SNU13: variants seen among roughly 807,000 people sequenced by gnomAD.
SNU13 encodes small nuclear ribonucleoprotein 13.
Under a neutral mutation model 12.4 loss-of-function variants are expected in SNU13, and 2 were observed. The observed-to-expected ratio is 0.16, with a 90% CI of 0.07 to 0.51. The LOEUF (loss-of-function observed/expected upper bound fraction) is 0.51, where lower values mean the gene tolerates loss of function less well. Among genes scored for constraint, SNU13 ranks in the 20% least tolerant of loss-of-function variants. SNU13 has a pLI of 0.96. For synonymous variants in SNU13, 68 were observed against 66.5 expected (o/e 1.02, Z -0.11); for missense variants, 66 against 157.8 (o/e 0.42, Z 3.12).
chr22:41,682,470 AG>A, intron 1 of SNU13: 5 of 1,596,098 alleles, frequency 3.1e-6, no homozygotes, highest in Non-Finnish European at 4.3e-6. Context: ...CCCCAAGAGC[AG>A]GAAGTGACGC....
intron 1 of SNU13, chr22:41,682,335 T>G (rs770656441): frequency 4.4e-6 from 7 of 1,609,132 alleles, no homozygotes; most frequent in Non-Finnish European, 8.5e-7. Context: ...CCGGAGATAA[T>G]GGCCCAGTAG....
Position 41,688,813 on chromosome 22 carries a change from G to A in SNU13, c.-17C>T, listed in dbSNP as rs1369831210. ...ACTCACCATGGCTGCGGTTCCGCGG[G>A]CTCAGCACTCCTAGGGGAGCGCAGC... On this transcript the variant is annotated 5_prime_UTR_variant, in exon 1 of 3. Coordinates refer to ENST00000401959, the MANE Select transcript of SNU13 (RefSeq NM_001003796.2). 1 of 1,599,878 alleles carries A rather than the reference G, an allele frequency of 6.3e-7. No homozygotes were observed. The highest frequency in any genetic ancestry group is 8.5e-7 in the Non-Finnish European group (1 of 1,170,304).
chr22:41,678,305 A>C (rs75514578), intron 2 of SNU13, among the ~76,000 whole-genome samples: 1 of 152,068 alleles, frequency 6.6e-6, no homozygotes, highest in Non-Finnish European at 1.5e-5. Context: ...CCAGGCATAA[A>C]ACCTATGTCT....
chr22:41,689,071 T>C, upstream of SNU13: 1 of 1,191,672 alleles, frequency 8.4e-7, no homozygotes. Flanking sequence ...ATTCAAAAAG[T>C]AACCCACCGG....
intron 1 of SNU13, chr22:41,682,273 T>C: frequency 6.9e-7 from 1 of 1,449,376 alleles, no homozygotes. Flanking sequence ...TTTTACAGCT[T>C]TTCTGACACA....
intron 2 of SNU13, among the ~76,000 whole-genome samples, chr22:41,677,423 G>A (rs537114384): frequency 3.9e-5 from 6 of 152,230 alleles, no homozygotes; most frequent in African/African-American, 4.8e-5. Context: ...TACCTGGGAC[G>A]CTGAGGTGGG....
intron 1 of SNU13, among the ~76,000 whole-genome samples, chr22:41,683,052 T>C (rs1601574283): frequency 6.6e-6 from 1 of 152,138 alleles, no homozygotes; most frequent in South Asian, 2.1e-4. Context: ...CAGGCTGGAG[T>C]GTAGTGGTGG....
At position 41,680,368 on chromosome 22, in the gene SNU13, TG is replaced by T. The variant is rs57548153; in HGVS notation, c.4-5del. 2.7e-4 allele frequency: 439 copies of T among 1,602,394 alleles called. No individual in the cohort carries two copies. Among genetic ancestry groups the T allele is most frequent in the Non-Finnish European group, 3.4e-4 (402 of 1,174,486 alleles). On this transcript the variant is annotated splice_polypyrimidine_tract_variant and splice_region_variant and intron_variant, in intron 1 of 2. Transcript: ENST00000401959. Reference sequence around the variant, plus strand: ...TTGGATTCACATCAGCCTCAGTCTATGGGGGGGACATAAAAATATCAGACAA... The same window carrying T: ...TTGGATTCACATCAGCCTCAGTCTATGGGGGGACATAAAAATATCAGACAA...
chr22:41,684,303 C>T (rs1242076682), intron 1 of SNU13, among the ~76,000 whole-genome samples: 1 of 152,210 alleles, frequency 6.6e-6, no homozygotes, highest in Non-Finnish European at 1.5e-5. Flanking sequence ...GTATGCTCTA[C>T]TTTCTATTTC....
intron 1 of SNU13, chr22:41,681,583 A>G (rs1311350391): frequency 6.6e-6 from 1 of 152,264 alleles, no homozygotes; most frequent in Non-Finnish European, 1.5e-5. Flanking sequence ...AGGGAATGGT[A>G]CAGTTAAATA....
chr22:41,687,904 CAAGT>C (rs2147143106), intron 1 of SNU13: 1 of 152,332 alleles, frequency 6.6e-6, no homozygotes, highest in Non-Finnish European at 1.5e-5. Flanking sequence ...TTGGAAGCTT[CAAGT>C]TCTAGGCTCA....
At chr22:41,680,172 A>T in intron 2 of SNU13, 72 bp downstream of exon 2, 1 of 1,494,370 alleles carries the variant, frequency 6.7e-7, no homozygotes, top group Non-Finnish European at 9.0e-7. Flanking sequence ...CCAAACTGGA[A>T]ATCAGATCAG....
In SNU13 at chr22:41,674,385, CA is replaced by C. The variant is rs1035037279; in HGVS notation, c.*547del. 1.9e-5 allele frequency: 3 copies of C among 154,664 alleles called. No homozygotes were observed. Among genetic ancestry groups the C allele is most frequent in the Non-Finnish European group, 4.3e-5 (3 of 69,566 alleles). 9.6% of individuals were successfully genotyped at this position (154,664 alleles called of 1,614,324 possible). The stretch of plus-strand genomic sequence containing the variant: ...ACATCACATTACCAAAAGCAAACAG[CA>C]GGGGTACATTAGTAAACGACACTTG... On this transcript the variant is annotated 3_prime_UTR_variant, in exon 3 of 3. Transcript: ENST00000401959.
intron 1 of SNU13, among the ~76,000 whole-genome samples, chr22:41,687,207 T>A (rs1302521787): frequency 6.6e-6 from 1 of 152,118 alleles, no homozygotes; most frequent in African/African-American, 2.4e-5. Flanking sequence ...TCCACCCGCC[T>A]CAGCCTCCCA....
At chr22:41,677,640 A>C (rs772572545) in intron 2 of SNU13, among the ~76,000 whole-genome samples, 1 of 152,006 alleles carries the variant, frequency 6.6e-6, no homozygotes, top group Non-Finnish European at 1.5e-5. Context: ...CATAGGAGTG[A>C]CTCTTTTATA....
chr22:41,677,481 A>T (rs555450445), intron 2 of SNU13, among the ~76,000 whole-genome samples: 2 of 152,180 alleles, frequency 1.3e-5, no homozygotes, highest in Non-Finnish European at 2.9e-5. Context: ...GCCATGATCA[A>T]TGCCAATGCA....
chr22:41,683,696 C>CT (rs2068285310), intron 1 of SNU13, among the ~76,000 whole-genome samples: 1 of 152,100 alleles, frequency 6.6e-6, no homozygotes, highest in African/African-American at 2.4e-5. Context: ...GCATTTGTAA[C>CT]TTTTATATCT....
At chr22:41,680,447 G>A in intron 1 of SNU13, 83 bp from the exon 2 acceptor site, 1 of 1,464,596 alleles carries the variant, frequency 6.8e-7, no homozygotes, top group East Asian at 2.3e-5. Flanking sequence ...CAACAATTGA[G>A]ACACAGGGGG....
rs1014431572 is a variant in SNU13, at chr22:41,684,999, T to C, written c.3+3795A>G. On this transcript the variant is annotated intron_variant, in intron 1 of 2. Coordinates refer to ENST00000401959, the MANE Select transcript of SNU13 (RefSeq NM_001003796.2). ...GTGAAACCCCCGTCTCTACTAAGAA[T>C]ACAAAAATTATCTGGGTGTGGTGGC... 4.6e-5 allele frequency among the ~76,000 whole-genome samples: 7 copies of C among 152,026 alleles called. No individual in the cohort carries two copies. In the East Asian group the frequency reaches 1.4e-3, roughly 29 times the overall value.
Sources: allele counts gnomAD v4.1 joint callset (sites outside exome capture counted in the v4.1 genomes callset), GRCh38; gene constraint gnomAD v4.1.1; transcripts MANE v1.5; gene names NCBI Gene and HGNC (gene_info 2026-07-23, HGNC 2026-07-21).